Variants in CNTN6 observed in about 807,000 individuals in gnomAD.
CNTN6 encodes the protein contactin-6.
In CNTN6, 137 loss-of-function variants were observed where a neutral mutation model predicts 122.8. The observed-to-expected ratio is 1.12, with a 90% CI of 0.97 to 1.29. The LOEUF is 1.29. CNTN6 is among the 50% of genes most tolerant of loss of function. CNTN6 has a pLI of 0.00. For synonymous variants in CNTN6, 570 were observed against 426.0 expected (o/e 1.34, Z -4.16); for missense variants, 1,634 against 1,223.4 (o/e 1.34, Z -5.01).
intron 4 of CNTN6, among the ~76,000 whole-genome samples, chr3:1,249,479 C>G (rs1374648313): frequency 6.6e-6 from 1 of 152,094 alleles, no homozygotes; most frequent in Admixed American, 6.5e-5. Flanking sequence ...GAGCATTAAC[C>G]AAAGTAATAG....
At chr3:1,299,838 C>T (rs1027723982) in intron 7 of CNTN6, among the ~76,000 whole-genome samples, 1 of 152,288 alleles carries the variant, frequency 6.6e-6, no homozygotes, top group East Asian at 1.9e-4. Flanking sequence ...ACCATATTTT[C>T]ATCTGAAAGG....
intron 2 of CNTN6, among the ~76,000 whole-genome samples, chr3:1,156,766 T>A (rs2092978624): frequency 6.6e-6 from 1 of 151,654 alleles, no homozygotes; most frequent in Non-Finnish European, 1.5e-5. Context: ...AAGGCTGAAG[T>A]GCAATGGCGC....
At chr3:1,129,463 T>C (rs2125093362) in intron 1 of CNTN6, among the ~76,000 whole-genome samples, 1 of 152,112 alleles carries the variant, frequency 6.6e-6, no homozygotes, top group South Asian at 2.1e-4. Flanking sequence ...GGGGAAAGGT[T>C]TGGGATGACT....
intron 2 of CNTN6, among the ~76,000 whole-genome samples, chr3:1,157,770 C>T (rs2125224676): frequency 6.6e-6 from 1 of 152,154 alleles, no homozygotes; most frequent in South Asian, 2.1e-4. Flanking sequence ...TCTTTCTGTG[C>T]CTGACTTAGC....
intron 2 of CNTN6, among the ~76,000 whole-genome samples, chr3:1,191,157 GT>G (rs1241085247): frequency 6.6e-6 from 1 of 152,058 alleles, no homozygotes; most frequent in Non-Finnish European, 1.5e-5. Flanking sequence ...CCTAGTATTT[GT>G]TTTTTGTCCC....
intron 1 of CNTN6, among the ~76,000 whole-genome samples, chr3:1,098,793 T>C (rs1254960534): frequency 1.9e-3 from 172 of 88,636 alleles, no homozygotes; most frequent in African/African-American, 1.0e-2. Flanking sequence ...CACACACATA[T>C]ATATATATAT....
At chr3:1,145,948 T>C (rs966987733) in intron 1 of CNTN6, among the ~76,000 whole-genome samples, 5 of 152,108 alleles carry the variant, frequency 3.3e-5, no homozygotes, top group East Asian at 3.9e-4. Flanking sequence ...ATTTTGGTGG[T>C]AATATTTAAA....
intron 11 of CNTN6, among the ~76,000 whole-genome samples, chr3:1,346,533 TG>T (rs1704728050): frequency 6.6e-6 from 1 of 152,076 alleles, no homozygotes; most frequent in African/African-American, 2.4e-5. Flanking sequence ...CTTCCCCTCT[TG>T]CCATGTGACC....
intron 7 of CNTN6, among the ~76,000 whole-genome samples, chr3:1,300,575 AAG>A (rs1491052506): frequency 1.1e-4 from 4 of 35,198 alleles, no homozygotes; most frequent in South Asian, 2.0e-3. Flanking sequence ...GAAAGAAAGA[AAG>A]AAAGAAAGAA....
intron 1 of CNTN6, among the ~76,000 whole-genome samples, chr3:1,134,545 A>G (rs2092423651): frequency 6.6e-6 from 1 of 152,134 alleles, no homozygotes; most frequent in Non-Finnish European, 1.5e-5. Context: ...ACAAATTAAG[A>G]TCACAGTTTT....
chr3:1,255,425 AAAAG>A (rs561663204), intron 4 of CNTN6, among the ~76,000 whole-genome samples: 183 of 144,370 alleles, frequency 1.3e-3, no homozygotes, highest in East Asian at 1.7e-3. Flanking sequence ...TGGAAAAAAA[AAAAG>A]AAAGAAAGAA....
intron 17 of CNTN6, among the ~76,000 whole-genome samples, chr3:1,377,620 G>A (rs528316636): frequency 2.0e-5 from 3 of 152,188 alleles, no homozygotes; most frequent in South Asian, 2.1e-4. Flanking sequence ...GAGTATAAAC[G>A]TTAGAATTTA....
In CNTN6 at chr3:1,352,286, A is replaced by G. The variant is rs199759641; in HGVS notation, c.1365-38A>G. The stretch of plus-strand genomic sequence containing the variant: ...AGCACTTATGATTTACCAGTGTTGA[A>G]GAGCCTTACTTCTATTAATGATGTA... On this transcript the variant is annotated intron_variant, in intron 11 of 22. Coordinates refer to ENST00000446702, the MANE Select transcript of CNTN6 (RefSeq NM_001289080.2). 9.6e-6 allele frequency: 14 copies of G among 1,453,816 alleles called. No homozygotes were observed. In the Middle Eastern group the frequency reaches 5.6e-4, roughly 58 times the overall value. 90.1% of individuals were successfully genotyped at this position (1,453,816 alleles called of 1,614,324 possible).
rs1190625669 is a variant in CNTN6, at chr3:1,381,266, A to T, written c.2167-1676A>T. ...ATCTCTTCCATGCCATTCAAAATTA[A>T]CTGGTTTACTTCTAGTCTCCCTATG... On this transcript the variant is annotated intron_variant, in intron 17 of 22. Transcript: ENST00000446702. Among the ~76,000 whole-genome samples the T allele has an allele frequency of 2.6e-5, 4 of 152,344 alleles. No homozygotes were observed. In the East Asian group the frequency reaches 7.7e-4, roughly 29 times the overall value.
At chr3:1,285,617 C>T (rs73111155) in intron 5 of CNTN6, among the ~76,000 whole-genome samples, 1 of 152,072 alleles carries the variant, frequency 6.6e-6, no homozygotes, top group South Asian at 2.1e-4. Context: ...GAAGATATCT[C>T]AATTTTACAA....
At chr3:1,373,047 G>C (rs866770500) in intron 14 of CNTN6, 92 bp downstream of exon 14, 2 of 722,226 alleles carry the variant, frequency 2.8e-6, no homozygotes, top group South Asian at 1.9e-5. Flanking sequence ...ACCACACCAT[G>C]TTATGGAAGT....
chr3:1,141,769 C>T (rs1166381503), intron 1 of CNTN6, among the ~76,000 whole-genome samples: 2 of 152,076 alleles, frequency 1.3e-5, no homozygotes, highest in Non-Finnish European at 2.9e-5. Context: ...TCTATTTTCC[C>T]CCACCATAGA....
intron 2 of CNTN6, among the ~76,000 whole-genome samples, chr3:1,212,256 T>TG (rs1330775900): frequency 6.7e-6 from 1 of 149,454 alleles, no homozygotes; most frequent in Non-Finnish European, 1.5e-5. Context: ...AAACTTGTTT[T>TG]TTTTTTTTTT....
At chr3:1,205,859 T>A (rs1223960273) in intron 2 of CNTN6, among the ~76,000 whole-genome samples, 1 of 152,156 alleles carries the variant, frequency 6.6e-6, no homozygotes, top group Non-Finnish European at 1.5e-5. Context: ...GTATGTGAAT[T>A]ATATTTTAAG....
Sources: gnomAD v4.1 joint callset for allele counts (sites outside exome capture counted in the v4.1 genomes callset) on GRCh38, gnomAD v4.1.1 for gene constraint, MANE v1.5 for transcripts, NCBI Gene and HGNC (gene_info 2026-07-23, HGNC 2026-07-21) for gene names.